The following METTL8 variants were observed in gnomAD, a reference collection of about 807,000 sequenced individuals.
METTL8 encodes tRNA N(3)-cytidine methyltransferase METTL8, mitochondrial.
METTL8 carries 32 observed loss-of-function variants against 48.7 expected under a neutral mutation model. The ratio of observed to expected loss-of-function variants is 0.66; its 90% CI spans 0.50 to 0.88. METTL8 has a LOEUF of 0.88. Ranked by LOEUF, METTL8 falls within the 40% of genes least tolerant of loss-of-function variation. METTL8 has a pLI of 0.00. For missense variants in METTL8, 464 were observed against 474.4 expected (o/e 0.98, Z 0.20); for synonymous variants, 136 against 157.1 (o/e 0.87, Z 1.01).
intron 2 of METTL8, among the ~76,000 whole-genome samples, chr2:171,383,945 A>G (rs1285573947): frequency 6.6e-6 from 1 of 152,226 alleles, no homozygotes; most frequent in Admixed American, 6.5e-5. Context: ...ATATATTCCA[A>G]AGAAATGAAA....
intron 1 of METTL8, among the ~76,000 whole-genome samples, chr2:171,403,813 G>T (rs1462312451): frequency 6.6e-6 from 1 of 151,690 alleles, no homozygotes; most frequent in African/African-American, 2.4e-5. Context: ...TGGGGAGGTG[G>T]TTATAAGGCT....
chr2:171,432,549 T>G (rs930251841), intron 1 of METTL8, among the ~76,000 whole-genome samples: 4 of 152,256 alleles, frequency 2.6e-5, no homozygotes, highest in African/African-American at 9.6e-5. Flanking sequence ...TTATCTTTTC[T>G]GGGTTCCAGT....
intron 1 of METTL8, among the ~76,000 whole-genome samples, chr2:171,407,790 G>A (rs1054630707): frequency 3.9e-5 from 6 of 152,204 alleles, no homozygotes; most frequent in African/African-American, 1.4e-4. Flanking sequence ...TGATTTCAGT[G>A]TCTGTGTTTG....
chr2:171,432,065 G>C (rs1693087595), intron 1 of METTL8, among the ~76,000 whole-genome samples: 1 of 152,180 alleles, frequency 6.6e-6, no homozygotes. Context: ...CTCCTGCCAG[G>C]GGCTGAGCCC....
At position 171,368,520 on chromosome 2, in the gene METTL8, C is replaced by T. The variant is rs374891235; in HGVS notation, c.144-8007G>A. Among the ~76,000 whole-genome samples the T allele has an allele frequency of 1.4e-4, 22 of 152,294 alleles. 1 individual carries two copies. Among genetic ancestry groups the T allele is most frequent in the African/African-American group, 5.3e-4 (22 of 41,566 alleles). On this transcript the variant is annotated intron_variant, in intron 2 of 9. Coordinates refer to ENST00000375258, the MANE Select transcript of METTL8 (RefSeq NM_001321154.2). ...ACTTCTGGAAAGCTTGTGTCCACCA[C>T]CATGAGTTTGATAGGTTCCCAATAC... is the stretch of plus-strand genomic sequence containing the variant.
At chr2:171,401,774 G>C (rs1230469134) in intron 1 of METTL8, among the ~76,000 whole-genome samples, 1 of 152,118 alleles carries the variant, frequency 6.6e-6, no homozygotes, top group Non-Finnish European at 1.5e-5. Context: ...TCTATGTACG[G>C]AAGAAGGAAA....
At chr2:171,375,269 T>C (rs1477092240) in intron 2 of METTL8, 4 of 969,830 alleles carry the variant, frequency 4.1e-6, no homozygotes, top group Non-Finnish European at 6.6e-6. Context: ...TTCCTTCTTT[T>C]CTTTGTCATC....
intron 2 of METTL8, among the ~76,000 whole-genome samples, chr2:171,373,972 T>G (rs1686663192): frequency 1.3e-5 from 2 of 152,246 alleles, no homozygotes. Context: ...AGGTCTTTTT[T>G]GGTTCCATGT....
chr2:171,346,460 G>A (rs1687274689), intron 3 of METTL8, among the ~76,000 whole-genome samples: 1 of 152,206 alleles, frequency 6.6e-6, no homozygotes, highest in Non-Finnish European at 1.5e-5. Flanking sequence ...ACCAACAGCT[G>A]AGACAATATG....
chr2:171,396,962 T>C (rs1689124935), intron 1 of METTL8, among the ~76,000 whole-genome samples: 2 of 151,422 alleles, frequency 1.3e-5, no homozygotes, highest in Non-Finnish European at 2.9e-5. Flanking sequence ...TAGCTGGTAC[T>C]ACAGGCATGT....
intron 1 of METTL8, among the ~76,000 whole-genome samples, chr2:171,400,867 C>A (rs1178730070): frequency 6.6e-6 from 1 of 152,094 alleles, no homozygotes; most frequent in East Asian, 1.9e-4. Context: ...AACGATTATC[C>A]TTGGAGCACT....
At chr2:171,424,156 G>C (rs769822094) in intron 1 of METTL8, among the ~76,000 whole-genome samples, 1 of 152,190 alleles carries the variant, frequency 6.6e-6, no homozygotes, top group Non-Finnish European at 1.5e-5. Context: ...TGAGTTTGAG[G>C]AACCTCTGCC....
intron 2 of METTL8, among the ~76,000 whole-genome samples, chr2:171,386,102 T>G (rs182844683): frequency 1.2e-4 from 18 of 152,352 alleles, no homozygotes; most frequent in African/African-American, 3.6e-4. Flanking sequence ...CTTGCTTTCC[T>G]GAGTCTATGA....
At chr2:171,349,792 G>A (rs746165175) in intron 3 of METTL8, among the ~76,000 whole-genome samples, 6 of 151,926 alleles carry the variant, frequency 3.9e-5, no homozygotes, top group Non-Finnish European at 8.8e-5. Context: ...CAATACACAA[G>A]GGCTCCAATT....
intron 2 of METTL8, among the ~76,000 whole-genome samples, chr2:171,385,990 G>A (rs913185107): frequency 3.3e-5 from 5 of 152,168 alleles, no homozygotes; most frequent in Admixed American, 1.3e-4. Context: ...AAATTCCTGG[G>A]CCATACCTCT....
At chr2:171,335,956 G>T (rs904981704) in intron 5 of METTL8, among the ~76,000 whole-genome samples, 1 of 152,126 alleles carries the variant, frequency 6.6e-6, no homozygotes, top group Non-Finnish European at 1.5e-5. Flanking sequence ...ACTTAAAAAA[G>T]AATAGAGCTT....
At chr2:171,433,571 T>C (rs1693404312) in intron 1 of METTL8, among the ~76,000 whole-genome samples, 1 of 152,144 alleles carries the variant, frequency 6.6e-6, no homozygotes, top group African/African-American at 2.4e-5. Context: ...GTTAACAAAG[T>C]ATATCTTTTA....
Position 171,335,616 on chromosome 2 carries a change from G to C in METTL8, c.656+1837C>G, listed in dbSNP as rs940523045. Among the ~76,000 whole-genome samples the C allele has an allele frequency of 2.6e-5, 4 of 152,070 alleles. No individual in the cohort carries two copies. The East Asian group carries it at 7.7e-4, about 29-fold the overall frequency. On this transcript the variant is annotated intron_variant, in intron 5 of 9. Transcript: ENST00000375258. ...ATTTTTGTATTTTTAGTAGAGACAG[G>C]GTTTCACCATGTTGGCCAGGCTGGT... is the stretch of plus-strand genomic sequence containing the variant.
rs1684648226 is a variant in METTL8, at chr2:171,323,569, A to G, written c.*603T>C. On this transcript the variant is annotated 3_prime_UTR_variant, in exon 10 of 10. Transcript: ENST00000375258. Reference sequence around the variant, plus strand: ...TATATCTAAGAATAGCCTGAAAATAATGTCAGCATGGGCTGTACTTCCCCA... The same window carrying G: ...TATATCTAAGAATAGCCTGAAAATAGTGTCAGCATGGGCTGTACTTCCCCA... 6.6e-6 allele frequency: 1 copy of G among 152,168 alleles called. No homozygotes were observed. The highest frequency in any genetic ancestry group is 1.5e-5 in the Non-Finnish European group (1 of 68,038). 9.4% of individuals were successfully genotyped at this position (152,168 alleles called of 1,614,324 possible).
Sources: allele counts gnomAD v4.1 joint callset (sites outside exome capture counted in the v4.1 genomes callset), GRCh38; gene constraint gnomAD v4.1.1; transcripts MANE v1.5; gene names NCBI Gene and HGNC (gene_info 2026-07-23, HGNC 2026-07-21).